Variants in MCM10 observed in about 807,000 individuals in gnomAD.
The protein encoded by MCM10 is protein MCM10 homolog.
In MCM10, 91 loss-of-function variants were observed where a neutral mutation model predicts 109.9. That is an observed-to-expected ratio of 0.83 (90% CI 0.70 to 0.99). The LOEUF (loss-of-function observed/expected upper bound fraction) is 0.99, where lower values mean the gene tolerates loss of function less well. MCM10 is among the 50% of genes least tolerant of loss of function. The probability of loss-of-function intolerance (pLI) is 0.00; values close to 1 mark genes in which losing one functional copy is unlikely to be tolerated. For missense variants in MCM10, 1,077 were observed against 1,061.2 expected (o/e 1.01, Z -0.21); for synonymous variants, 380 against 387.2 (o/e 0.98, Z 0.22).
chr10:13,163,751 A>C (rs1015635116), intron 1 of MCM10, among the ~76,000 whole-genome samples: 12 of 152,140 alleles, frequency 7.9e-5, no homozygotes, highest in Middle Eastern at 3.2e-3. Flanking sequence ...GGCTGGTCTC[A>C]AACTTCTGGC....
chr10:13,199,566 T>G (rs949813639), intron 16 of MCM10, among the ~76,000 whole-genome samples: 1 of 152,182 alleles, frequency 6.6e-6, no homozygotes, highest in African/African-American at 2.4e-5. Flanking sequence ...TGCTTCCTTA[T>G]CTTGAAATAA....
At chr10:13,177,113 T>A (rs1443988216) in intron 6 of MCM10, among the ~76,000 whole-genome samples, 1 of 152,184 alleles carries the variant, frequency 6.6e-6, no homozygotes, top group Admixed American at 6.5e-5. Context: ...AAGCTCCCTA[T>A]GGGTAATGAA....
intron 7 of MCM10, among the ~76,000 whole-genome samples, chr10:13,182,000 C>T (rs967431035): frequency 6.6e-6 from 1 of 152,124 alleles, no homozygotes; most frequent in African/African-American, 2.4e-5. Flanking sequence ...TTAAAAACAA[C>T]CGTAAAAGTG....
At chr10:13,163,118 C>A (rs1833949826) in intron 1 of MCM10, among the ~76,000 whole-genome samples, 1 of 150,476 alleles carries the variant, frequency 6.6e-6, no homozygotes, top group Non-Finnish European at 1.5e-5. Context: ...GCTGATGGAT[C>A]ACTTGACATC....
chr10:13,162,722 G>T (rs1042359764), intron 1 of MCM10, among the ~76,000 whole-genome samples: 5 of 152,116 alleles, frequency 3.3e-5, no homozygotes, highest in Admixed American at 6.6e-5. Flanking sequence ...TGTCCAATAG[G>T]TTCCCCAGTA....
At chr10:13,174,754 T>C (rs748073165) in intron 5 of MCM10, among the ~76,000 whole-genome samples, 2 of 152,210 alleles carry the variant, frequency 1.3e-5, no homozygotes, top group Non-Finnish European at 2.9e-5. Flanking sequence ...GAAAGTTCTA[T>C]TGGACTGTAA....
At chr10:13,175,389 C>G (rs903448559) in intron 5 of MCM10, 121 bp from the exon 6 acceptor site, 1 of 766,934 alleles carries the variant, frequency 1.3e-6, no homozygotes, top group Admixed American at 2.1e-5. Flanking sequence ...CCATTGCACT[C>G]CTGCCTGGGT....
chr10:13,162,755 G>C (rs1407834183), intron 1 of MCM10, among the ~76,000 whole-genome samples: 2 of 152,164 alleles, frequency 1.3e-5, no homozygotes, highest in African/African-American at 4.8e-5. Flanking sequence ...TGTGGCACAT[G>C]AGGGATCCGT....
Position 13,192,516 on chromosome 10 carries a change from A to T in MCM10, c.1693A>T (p.Lys565Ter). 6.2e-7 allele frequency: 1 copy of T among 1,614,154 alleles called. No individual in the cohort carries two copies. ...GGCCTCAGCACTCTTGAAGCAACAG[A>T]AGCAGCGGATGTTGGAGATGAGGAG... ...ISASALLKQQ[K>*]QRMLEMRRRK... Residue 565 changes from lysine (K) to a stop codon, truncating the protein, a stop_gained, in exon 13 of 20, where the codon AAG becomes TAG. Coordinates refer to ENST00000378714, the MANE Select transcript of MCM10 (RefSeq NM_018518.5). LOFTEE classifies it high-confidence loss of function.
intron 2 of MCM10, among the ~76,000 whole-genome samples, chr10:13,165,740 T>C (rs12572097): frequency 0.24 from 35,983 of 151,730 alleles, 5,509 homozygotes; most frequent in Non-Finnish European, 0.34. Flanking sequence ...CCTGGTGTGG[T>C]GGCATGTGAC....
intron 15 of MCM10, among the ~76,000 whole-genome samples, chr10:13,198,166 C>A (rs11258244): frequency 0.052 from 7,849 of 152,132 alleles, 278 homozygotes; most frequent in Admixed American, 0.086. Flanking sequence ...CCCGCCTTGA[C>A]CTCCCAAAGT....
At chr10:13,188,695 G>T (rs554206197) in intron 9 of MCM10, among the ~76,000 whole-genome samples, 186 bp from the exon 10 acceptor site, 2 of 152,166 alleles carry the variant, frequency 1.3e-5, no homozygotes, top group Non-Finnish European at 2.9e-5. Context: ...CAGGGGACTC[G>T]AAGGGAAGAA....
chr10:13,195,261 GC>G lies in MCM10; in HGVS notation c.1968del (p.Lys658SerfsTer2). 6.3e-7 allele frequency: 1 copy of G among 1,596,370 alleles called. No homozygotes were observed. On this transcript the variant is annotated frameshift_variant, in exon 14 of 20. Coordinates refer to ENST00000378714, the MANE Select transcript of MCM10 (RefSeq NM_018518.5). LOFTEE classifies it high-confidence loss of function. ...PRPKLSALAE[A>X]KKLAAITKLR... ...ACCAAAACTGAGTGCTTTAGCAGAAGCCAAAAAGGTAACTGGCATCTCTTCT... is the reference window on the plus strand; with the variant it reads ...ACCAAAACTGAGTGCTTTAGCAGAAGCAAAAAGGTAACTGGCATCTCTTCT...
chr10:13,177,509 T>TTTGGAGC (rs1491369064), intron 6 of MCM10, among the ~76,000 whole-genome samples: 1 of 13,788 alleles, frequency 7.3e-5, no homozygotes, highest in East Asian at 9.6e-4. Flanking sequence ...ATTTTGGAGC[T>TTTGGAGC]TTTTTTTTTT....
rs747076260 is a variant in MCM10 at position 13,183,136 on chromosome 10, T to C, written c.1098+36T>C. The C allele has an allele frequency of 1.9e-6, 3 of 1,598,762 alleles. No individual in the cohort carries two copies. The South Asian group carries it at 3.3e-5, about 18-fold the overall frequency. ...GTTTCTGGGATTTGATTGATGATTG[T>C]CTTTACAAGTTAACTGAGTTTTATC... is the stretch of plus-strand genomic sequence containing the variant. On this transcript the variant is annotated intron_variant, in intron 8 of 19. Coordinates refer to ENST00000378714, the MANE Select transcript of MCM10 (RefSeq NM_018518.5).
At chr10:13,170,790 A>C (rs1205598637) in intron 2 of MCM10, 132 bp from the exon 3 acceptor site, 13 of 679,016 alleles carry the variant, frequency 1.9e-5, no homozygotes, top group Non-Finnish European at 3.0e-5. Context: ...GGTTGAACCC[A>C]TCACCCAGGT....
intron 2 of MCM10, among the ~76,000 whole-genome samples, chr10:13,166,653 C>CATATATATATATATATAT (rs1355743693): frequency 2.2e-5 from 1 of 45,496 alleles, no homozygotes; most frequent in African/African-American, 8.0e-5. Flanking sequence ...AAAAAAAATA[C>CATATATATATATATATAT]ATACATACAT....
At chr10:13,195,479 G>A in intron 14 of MCM10, 1 of 459,344 alleles carries the variant, frequency 2.2e-6, no homozygotes, top group Non-Finnish European at 3.9e-6. Context: ...TAGCCTAGAG[G>A]AAGATAGTGT....
chr10:13,205,980 C>T (rs1260956054), intron 18 of MCM10, among the ~76,000 whole-genome samples: 2 of 152,156 alleles, frequency 1.3e-5, no homozygotes, highest in East Asian at 1.9e-4. Flanking sequence ...AGCATGTTGC[C>T]GTCGCAGGTC....
Sources: gnomAD v4.1 joint callset for allele counts (sites outside exome capture counted in the v4.1 genomes callset) on GRCh38, gnomAD v4.1.1 for gene constraint, MANE v1.5 for transcripts, NCBI Gene and HGNC (gene_info 2026-07-23, HGNC 2026-07-21) for gene names.